Variants in RYR2 observed in about 807,000 individuals in gnomAD.
RYR2 encodes ryanodine receptor 2, also known as cardiac muscle ryanodine receptor-calcium release channel.
In RYR2, 227 loss-of-function variants were observed where a neutral mutation model predicts 601.1. That is an observed-to-expected ratio of 0.38 (90% CI 0.34 to 0.42). The LOEUF (loss-of-function observed/expected upper bound fraction) is 0.42. Among genes scored for constraint, RYR2 ranks in the 10% least tolerant of loss-of-function variants. RYR2 has a pLI of 1.00. For synonymous variants in RYR2, 2,223 were observed against 2,175.1 expected, an observed-to-expected ratio of 1.02 and a Z score of -0.61; for missense variants, 4,646 against 6,156.5, an observed-to-expected ratio of 0.75 and a Z score of 8.21.
At chr1:237,330,429 C>G (rs765095978) in intron 2 of RYR2, among the ~76,000 whole-genome samples, 2 of 152,200 alleles carry the variant, frequency 1.3e-5, no homozygotes, top group African/African-American at 2.4e-5. Flanking sequence ...GCTCTGTCGC[C>G]AGGTCTGGAG....
intron 63 of RYR2, among the ~76,000 whole-genome samples, chr1:237,697,410 TA>T (rs957547157): frequency 9.1e-5 from 13 of 142,720 alleles, no homozygotes; most frequent in Admixed American, 8.1e-4. Context: ...ATATATTATA[TA>T]ATTATATCAT....
intron 27 of RYR2, among the ~76,000 whole-genome samples, chr1:237,551,583 G>A (rs10802618): frequency 6.7e-6 from 1 of 149,228 alleles, no homozygotes; most frequent in African/African-American, 2.5e-5. Flanking sequence ...TCTTTAATCC[G>A]TTGCTCCTGC....
At chr1:237,776,400 G>A (rs571806493) in intron 87 of RYR2, among the ~76,000 whole-genome samples, 1 of 152,194 alleles carries the variant, frequency 6.6e-6, no homozygotes, top group South Asian at 2.1e-4. Flanking sequence ...TTGCTTTGTC[G>A]ACCATTTCTT....
At chr1:237,107,426 C>G (rs1336763454) in intron 1 of RYR2, among the ~76,000 whole-genome samples, 14 of 139,952 alleles carry the variant, frequency 1.0e-4, no homozygotes, top group South Asian at 4.8e-4. Flanking sequence ...GAGGCTGAGG[C>G]AGGAGAATGG....
intron 40 of RYR2, among the ~76,000 whole-genome samples, chr1:237,626,090 A>C (rs1394267739): frequency 6.6e-6 from 1 of 152,218 alleles, no homozygotes; most frequent in African/African-American, 2.4e-5. Context: ...GTTAAAAGGA[A>C]GTATAGTAAT....
At chr1:237,586,061 A>T (rs1674489191) in intron 29 of RYR2, among the ~76,000 whole-genome samples, 1 of 152,200 alleles carries the variant, frequency 6.6e-6, no homozygotes, top group Non-Finnish European at 1.5e-5. Context: ...TTAACTTAAT[A>T]TTACATATTT....
intron 1 of RYR2, among the ~76,000 whole-genome samples, chr1:237,223,959 G>T (rs1684092850): frequency 6.6e-6 from 1 of 152,110 alleles, no homozygotes; most frequent in Non-Finnish European, 1.5e-5. Context: ...TGAAATTATT[G>T]TTAGTTCATT....
intron 10 of RYR2, among the ~76,000 whole-genome samples, chr1:237,390,220 A>T (rs1033279766): frequency 2.0e-5 from 3 of 146,360 alleles, no homozygotes; most frequent in African/African-American, 8.3e-5. Context: ...TGTTAAATGG[A>T]AGACAGACTA....
chr1:237,640,957 T>C lies in RYR2; in HGVS notation c.7176T>C (p.Tyr2392=), dbSNP rs1259613836. 3 of 1,613,618 alleles carry C rather than the reference T, an allele frequency of 1.9e-6. No homozygotes were observed. The highest frequency in any genetic ancestry group is 2.5e-6 in the Non-Finnish European group (3 of 1,179,740). The change falls in exon 47 of 105, where the codon TAT becomes TAC. Residue 2392 remains tyrosine, a synonymous_variant. Coordinates refer to ENST00000366574, the MANE Select transcript of RYR2 (RefSeq NM_001035.3). ...IHMGNAIMTF[Y]SALIDLLGRC... ...TGGGGAACGCGATCATGACCTTCTA[T>C]TCAGCTTTGATTGACCTCTTGGGAC... is the stretch of plus-strand genomic sequence containing the variant.
chr1:237,596,872 A>G (rs1260021632), intron 34 of RYR2, among the ~76,000 whole-genome samples: 3 of 152,246 alleles, frequency 2.0e-5, no homozygotes, highest in Non-Finnish European at 4.4e-5. Flanking sequence ...CTGAAAGAAC[A>G]ACTGTCAGCC....
At chr1:237,267,629 C>A in intron 1 of RYR2, 1 of 319,320 alleles carries the variant, frequency 3.1e-6, no homozygotes, top group Non-Finnish European at 6.5e-6. Context: ...CTAACAAGCT[C>A]TCAAGTGTGG....
intron 1 of RYR2, among the ~76,000 whole-genome samples, chr1:237,251,857 T>C (rs1307269601): frequency 6.6e-6 from 1 of 152,188 alleles, no homozygotes; most frequent in Non-Finnish European, 1.5e-5. Context: ...GTATTCCCCA[T>C]TTCGGTACAT....
At chr1:237,804,453 A>T (rs188840700) in intron 98 of RYR2, among the ~76,000 whole-genome samples, 1 of 152,090 alleles carries the variant, frequency 6.6e-6, no homozygotes, top group East Asian at 2.0e-4. Flanking sequence ...CTTACAGTCA[A>T]AATGAAGGTG....
rs191512389 is a variant in RYR2 at position 237,303,223 on chromosome 1, A to G, written c.169-27655A>G. On this transcript the variant is annotated intron_variant, in intron 2 of 104. Coordinates refer to ENST00000366574, the MANE Select transcript of RYR2 (RefSeq NM_001035.3). Reference sequence around the variant, plus strand: ...TTCCTGATAACATATTGCTTTGGTTATTAAAGTTCTAAAGGGTATATGTGT... The same window carrying G: ...TTCCTGATAACATATTGCTTTGGTTGTTAAAGTTCTAAAGGGTATATGTGT... Among the ~76,000 whole-genome samples the G allele has an allele frequency of 2.0e-3, 292 of 149,566 alleles. 2 individuals are homozygous for G. The highest frequency in any genetic ancestry group is 6.8e-3 in the African/African-American group (275 of 40,660).
At chr1:237,164,688 A>C (rs950939805) in intron 1 of RYR2, among the ~76,000 whole-genome samples, 1 of 152,170 alleles carries the variant, frequency 6.6e-6, no homozygotes, top group African/African-American at 2.4e-5. Flanking sequence ...GTGAGCTTCA[A>C]ATGAAAGGTC....
intron 99 of RYR2, among the ~76,000 whole-genome samples, chr1:237,806,912 G>C (rs377206482): frequency 6.6e-6 from 1 of 152,316 alleles, no homozygotes; most frequent in East Asian, 1.9e-4. Context: ...GCATATTGCA[G>C]AAGTGTGCAC....
In RYR2 at chr1:237,423,308, G is replaced by A. The variant is rs1705782037; in HGVS notation, c.1005+60G>A. The A allele has an allele frequency of 1.8e-5, 27 of 1,522,522 alleles. No individual in the cohort carries two copies. In the South Asian group the frequency reaches 2.9e-4, roughly 17 times the overall value. The allele number at this position is 1,522,522 out of a possible 1,614,324, so 94.3% of individuals were successfully genotyped here. A position where few individuals can be genotyped will look rare whatever the true frequency, so the allele number is the denominator to read the frequency against. ...GTTACCCGGTCATATTTCCTTTGAT[G>A]TTAGAAAGGAGAAAAGAAATGAGAA... On this transcript the variant is annotated intron_variant, in intron 12 of 104. Coordinates refer to ENST00000366574, the MANE Select transcript of RYR2 (RefSeq NM_001035.3).
chr1:237,559,447 T>G (rs1318636975), intron 27 of RYR2, among the ~76,000 whole-genome samples: 1 of 152,102 alleles, frequency 6.6e-6, no homozygotes. Flanking sequence ...GGTTTCACTG[T>G]GTTGATCAGG....
intron 2 of RYR2, among the ~76,000 whole-genome samples, chr1:237,319,320 A>G (rs1695397996): frequency 6.6e-6 from 1 of 152,104 alleles, no homozygotes; most frequent in Non-Finnish European, 1.5e-5. Flanking sequence ...GTTTCTCAAG[A>G]CTATGTTTTC....
Sources: gnomAD v4.1 joint callset for allele counts (sites outside exome capture counted in the v4.1 genomes callset) on GRCh38, gnomAD v4.1.1 for gene constraint, MANE v1.5 for transcripts, NCBI Gene and HGNC (gene_info 2026-07-23, HGNC 2026-07-21) for gene names.